Variants in CNIH4 observed in about 807,000 individuals in gnomAD.
CNIH4 encodes the protein cornichon family member 4.
A neutral mutation model predicts 21.5 loss-of-function variants in CNIH4; 9 were observed. That is an observed-to-expected ratio of 0.42 (90% CI 0.25 to 0.73). The LOEUF (loss-of-function observed/expected upper bound fraction) is 0.73, where lower values mean the gene tolerates loss of function less well. Ranked by LOEUF, CNIH4 falls within the 30% of genes least tolerant of loss-of-function variation. The pLI, the probability that CNIH4 is intolerant of heterozygous loss-of-function variation, is 0.27. For missense variants in CNIH4, 159 were observed against 170.0 expected (o/e 0.94, Z 0.36); for synonymous variants, 67 against 59.1 (o/e 1.13, Z -0.61).
chr1:224,367,517 G>C (rs1055453915), intron 3 of CNIH4, among the ~76,000 whole-genome samples: 3 of 151,580 alleles, frequency 2.0e-5, no homozygotes, highest in Admixed American at 2.0e-4. Flanking sequence ...CTGAACATGG[G>C]TTCTGAATTT....
intron 2 of CNIH4, among the ~76,000 whole-genome samples, chr1:224,364,616 C>T (rs1427894662): frequency 6.6e-6 from 1 of 152,166 alleles, no homozygotes; most frequent in Non-Finnish European, 1.5e-5. Flanking sequence ...TCAACTAGAA[C>T]TTTCCAATAT....
chr1:224,358,953 A>T (rs1672194011), intron 1 of CNIH4, among the ~76,000 whole-genome samples: 1 of 152,154 alleles, frequency 6.6e-6, no homozygotes, highest in Non-Finnish European at 1.5e-5. Flanking sequence ...TTAATATAGG[A>T]TATAAGAGTT....
At chr1:224,373,774 G>A (rs927029749) in intron 4 of CNIH4, among the ~76,000 whole-genome samples, 43 of 151,888 alleles carry the variant, frequency 2.8e-4, no homozygotes, top group African/African-American at 1.0e-3. Context: ...GTTGCGGTGA[G>A]CCGATATCAT....
At chr1:224,374,506 C>G (rs889244556) in intron 4 of CNIH4, among the ~76,000 whole-genome samples, 1 of 152,030 alleles carries the variant, frequency 6.6e-6, no homozygotes, top group African/African-American at 2.4e-5. Context: ...CCTCCGCCTC[C>G]CAGGTTCCAG....
At chr1:224,364,373 C>T in intron 2 of CNIH4, 1 of 985,340 alleles carries the variant, frequency 1.0e-6, no homozygotes, top group Non-Finnish European at 1.2e-6. Flanking sequence ...ATTAGTATAA[C>T]ATCAGCTGAC....
intron 2 of CNIH4, among the ~76,000 whole-genome samples, chr1:224,364,959 G>A (rs1672408811): frequency 6.6e-6 from 1 of 151,366 alleles, no homozygotes; most frequent in Non-Finnish European, 1.5e-5. Flanking sequence ...TTGCAAATTA[G>A]GTTTATGGCC....
chr1:224,361,889 G>A (rs1288926900), intron 2 of CNIH4, among the ~76,000 whole-genome samples: 1 of 152,188 alleles, frequency 6.6e-6, no homozygotes, highest in Middle Eastern at 3.2e-3. Context: ...CCAGCCTCAT[G>A]TAGCTTCTTG....
In CNIH4 at chr1:224,378,065, T is replaced by TTTAA. The variant is rs1292236661; in HGVS notation, c.*2247_*2250dup. On this transcript the variant is annotated 3_prime_UTR_variant, in exon 5 of 5. Coordinates refer to ENST00000465271, the MANE Select transcript of CNIH4 (RefSeq NM_014184.4). ...TCACTGTAGTTAAATTTTTTTTTTT[T>TTTAA]TTAATTAGAGACAGAGTCTTGCCCT... 1 of 152,136 alleles carries TTTAA rather than the reference T, an allele frequency of 6.6e-6. No homozygotes were observed. Among genetic ancestry groups the TTTAA allele is most frequent in the Non-Finnish European group, 1.5e-5 (1 of 68,030 alleles). The allele number at this position is 152,136 out of a possible 1,614,324, so 9.4% of individuals were successfully genotyped here. A position where few individuals can be genotyped will look rare whatever the true frequency, so the allele number is the denominator to read the frequency against.
At chr1:224,364,151 G>A in intron 2 of CNIH4, 4 of 982,402 alleles carry the variant, frequency 4.1e-6, no homozygotes, top group Non-Finnish European at 4.8e-6. Context: ...ACTTTGGGAG[G>A]CCGAGGAGGG....
chr1:224,368,804 G>A (rs1379510183), intron 3 of CNIH4, among the ~76,000 whole-genome samples: 1 of 151,942 alleles, frequency 6.6e-6, no homozygotes, highest in Non-Finnish European at 1.5e-5. Context: ...TTACAGGTGT[G>A]AGCCAGTGTG....
chr1:224,373,558 G>A (rs931077989), intron 4 of CNIH4, among the ~76,000 whole-genome samples: 9 of 152,104 alleles, frequency 5.9e-5, no homozygotes, highest in Admixed American at 3.9e-4. Flanking sequence ...GGCTGGGCTC[G>A]GTGGCTCATG....
At chr1:224,363,234 A>G (rs1360399634) in intron 2 of CNIH4, among the ~76,000 whole-genome samples, 8 of 151,694 alleles carry the variant, frequency 5.3e-5, no homozygotes, top group Admixed American at 4.6e-4. Context: ...AATAGAGATG[A>G]AGTCTCGCCA....
intron 2 of CNIH4, chr1:224,364,377 A>G: frequency 1.0e-6 from 1 of 985,396 alleles, no homozygotes; most frequent in Non-Finnish European, 1.2e-6. Context: ...GTATAACATC[A>G]GCTGACATTT....
Position 224,362,591 on chromosome 1 carries a change from G to A in CNIH4, c.138+2028G>A, listed in dbSNP as rs192390980. ...TGCAAGCTCTACCTCCCCGGTTCAC[G>A]CCATTCTCCCGCTTCAGCCTCCCGA... On this transcript the variant is annotated intron_variant, in intron 2 of 4. Coordinates refer to ENST00000465271, the MANE Select transcript of CNIH4 (RefSeq NM_014184.4). Among the ~76,000 whole-genome samples, 315 of 147,612 alleles carry A rather than the reference G, an allele frequency of 2.1e-3. 1 individual carries two copies. In the Middle Eastern group the frequency reaches 0.031, roughly 15 times the overall value.
chr1:224,357,015 G>A (rs750189818), intron 1 of CNIH4, 22 bp downstream of exon 1: 2 of 1,599,280 alleles, frequency 1.3e-6, no homozygotes, highest in Non-Finnish European at 8.5e-7. Context: ...TGAGGCAGGC[G>A]AACGCCTTGC....
At chr1:224,365,676 CTTTATT>C (rs1015915499) in intron 2 of CNIH4, among the ~76,000 whole-genome samples, 197 bp from the exon 3 acceptor site, 5 of 152,216 alleles carry the variant, frequency 3.3e-5, no homozygotes, top group African/African-American at 1.2e-4. Flanking sequence ...AATTTAAGTG[CTTTATT>C]TTTAAGTTGT....
Position 224,360,179 on chromosome 1 carries a change from C to T in CNIH4, c.70-316C>T, listed in dbSNP as rs115224528. ...TGAACTCCTGCTTCAGGCGATCCTC[C>T]TGCCTCAGCTTCCCAAAGTGCTGGG... On this transcript the variant is annotated intron_variant, in intron 1 of 4. Coordinates refer to ENST00000465271, the MANE Select transcript of CNIH4 (RefSeq NM_014184.4). Among the ~76,000 whole-genome samples, 1,415 of 152,030 alleles carry T rather than the reference C, an allele frequency of 9.3e-3. 17 individuals carry two copies. The highest frequency in any genetic ancestry group is 0.032 in the African/African-American group (1,340 of 41,422).
At chr1:224,357,091 C>T in intron 1 of CNIH4, 98 bp downstream of exon 1, 2 of 1,407,502 alleles carry the variant, frequency 1.4e-6, no homozygotes, top group Non-Finnish European at 2.0e-6. Flanking sequence ...AGGGAGGCGC[C>T]CGGCGGCGGG....
In CNIH4 at chr1:224,366,028, T is replaced by TA. The variant is rs750813095; in HGVS notation, c.251+46dup. 3.4e-4 allele frequency: 446 copies of TA among 1,324,972 alleles called. No individual in the cohort carries two copies. In the East Asian group the frequency reaches 3.9e-3, roughly 12 times the overall value. 82.1% of individuals were successfully genotyped at this position (1,324,972 alleles called of 1,614,324 possible). On this transcript the variant is annotated intron_variant, in intron 3 of 4. Coordinates refer to ENST00000465271, the MANE Select transcript of CNIH4 (RefSeq NM_014184.4). ...TTGTTTACTTTGGTGTCAAGGTAGT[T>TA]AAAAAAAAATTTAAAAAGTTGTGTT...
Sources: gnomAD v4.1 joint callset for allele counts (sites outside exome capture counted in the v4.1 genomes callset) on GRCh38, gnomAD v4.1.1 for gene constraint, MANE v1.5 for transcripts, NCBI Gene and HGNC (gene_info 2026-07-23, HGNC 2026-07-21) for gene names.